The following DLGAP1 variants were observed in gnomAD, a reference collection of about 807,000 sequenced individuals.
The protein encoded by DLGAP1 is disks large-associated protein 1.
A neutral mutation model predicts 90.8 loss-of-function variants in DLGAP1; 11 were observed. The ratio of observed to expected loss-of-function variants is 0.12; its 90% confidence interval spans 0.08 to 0.20. The LOEUF (loss-of-function observed/expected upper bound fraction) is 0.20, where lower values mean the gene tolerates loss of function less well. Ranked by LOEUF, DLGAP1 falls within the 10% of genes least tolerant of loss-of-function variation. DLGAP1 has a pLI of 1.00. For missense variants in DLGAP1, 1,050 were observed against 1,333.8 expected (o/e 0.79, Z 3.31); for synonymous variants, 558 against 540.7 (o/e 1.03, Z -0.44).
At chr18:3,543,577 G>A (rs954975020) in intron 9 of DLGAP1, among the ~76,000 whole-genome samples, 9 of 152,122 alleles carry the variant, frequency 5.9e-5, no homozygotes, top group African/African-American at 2.2e-4. Flanking sequence ...CTATATGGAC[G>A]ACTTCTGTGC....
At chr18:4,386,967 A>G (rs1203896794) in intron 1 of DLGAP1, among the ~76,000 whole-genome samples, 1 of 152,200 alleles carries the variant, frequency 6.6e-6, no homozygotes, top group African/African-American at 2.4e-5. Context: ...TGGCCTCTAT[A>G]ATATTCTGAG....
chr18:3,858,769 T>G (rs974090989), intron 4 of DLGAP1, among the ~76,000 whole-genome samples: 6 of 152,132 alleles, frequency 3.9e-5, no homozygotes, highest in African/African-American at 1.4e-4. Flanking sequence ...ATTCTTCTGC[T>G]CTAAAAAGCT....
At chr18:4,018,567 T>C (rs536632752) in intron 2 of DLGAP1, among the ~76,000 whole-genome samples, 3 of 152,204 alleles carry the variant, frequency 2.0e-5, no homozygotes, top group Non-Finnish European at 4.4e-5. Flanking sequence ...AACAAAATAT[T>C]TAGGAATGAG....
intron 1 of DLGAP1, among the ~76,000 whole-genome samples, chr18:4,323,998 C>G (rs2030638845): frequency 6.6e-6 from 1 of 151,786 alleles, no homozygotes; most frequent in Admixed American, 6.6e-5. Flanking sequence ...CCAAAGGAAG[C>G]AGAAGACAAG....
intron 1 of DLGAP1, among the ~76,000 whole-genome samples, chr18:4,446,989 A>C (rs575372407): frequency 6.6e-6 from 1 of 152,360 alleles, no homozygotes; most frequent in Admixed American, 6.5e-5. Context: ...ATATCATTTC[A>C]TATCCATAAG....
intron 10 of DLGAP1, among the ~76,000 whole-genome samples, chr18:3,532,590 A>G (rs1299186419): frequency 6.6e-6 from 1 of 151,844 alleles, no homozygotes; most frequent in Non-Finnish European, 1.5e-5. Flanking sequence ...AAAAAAAAAA[A>G]GAAAAAAAAA....
chr18:3,957,467 T>A (rs991344831), intron 3 of DLGAP1, among the ~76,000 whole-genome samples: 3 of 152,214 alleles, frequency 2.0e-5, no homozygotes, highest in Non-Finnish European at 2.9e-5. Flanking sequence ...ATAGCAGCAC[T>A]AGGAAATTAA....
chr18:3,644,572 G>C (rs1343576182), intron 7 of DLGAP1, among the ~76,000 whole-genome samples: 1 of 151,854 alleles, frequency 6.6e-6, no homozygotes. Context: ...CACCATTCCC[G>C]GCTAATTTTT....
At chr18:4,150,917 G>A (rs1568422567) in intron 2 of DLGAP1, among the ~76,000 whole-genome samples, 2 of 152,134 alleles carry the variant, frequency 1.3e-5, no homozygotes, top group African/African-American at 4.8e-5. Flanking sequence ...TGCCCAATAT[G>A]CCGTTCCAGA....
intron 2 of DLGAP1, among the ~76,000 whole-genome samples, chr18:4,062,427 A>T (rs2075312095): frequency 6.6e-6 from 1 of 152,164 alleles, no homozygotes; most frequent in Admixed American, 6.5e-5. Context: ...TAAGTAAAGA[A>T]TGTCACTTTC....
chr18:4,022,597 G>GC (rs1336768963), intron 2 of DLGAP1, among the ~76,000 whole-genome samples: 1 of 152,110 alleles, frequency 6.6e-6, no homozygotes, highest in Non-Finnish European at 1.5e-5. Context: ...TCCATCATAT[G>GC]CCATGCTATT....
At chr18:4,372,570 A>G (rs558197780) in intron 1 of DLGAP1, among the ~76,000 whole-genome samples, 1 of 152,376 alleles carries the variant, frequency 6.6e-6, no homozygotes, top group Admixed American at 6.5e-5. Context: ...CAGAAAAGCA[A>G]GTCTCACTGC....
intron 1 of DLGAP1, chr18:4,294,026 A>C (rs1002561901): frequency 6.6e-6 from 1 of 152,208 alleles, no homozygotes; most frequent in South Asian, 2.1e-4. Flanking sequence ...AATTGAACAG[A>C]AAGTTGGGGT....
chr18:4,283,884 T>C (rs1339653017), intron 1 of DLGAP1, among the ~76,000 whole-genome samples: 1 of 152,170 alleles, frequency 6.6e-6, no homozygotes, highest in African/African-American at 2.4e-5. Flanking sequence ...GAATATGCTT[T>C]TGTCTCATCC....
At chr18:3,897,213 C>T (rs1459290215) in intron 3 of DLGAP1, 1 of 152,192 alleles carries the variant, frequency 6.6e-6, no homozygotes, top group Non-Finnish European at 1.5e-5. Context: ...TCTGCCCCTA[C>T]AAAGCCAAAA....
intron 10 of DLGAP1, among the ~76,000 whole-genome samples, chr18:3,510,664 G>A (rs909935462): frequency 5.9e-5 from 9 of 152,180 alleles, no homozygotes; most frequent in Non-Finnish European, 7.4e-5. Context: ...AATCCTGGGA[G>A]GTTATGACCA....
At chr18:3,538,385 AAAG>A (rs1383459994) in intron 9 of DLGAP1, among the ~76,000 whole-genome samples, 1 of 151,796 alleles carries the variant, frequency 6.6e-6, no homozygotes, top group African/African-American at 2.4e-5. Context: ...CAAAAAAAAA[AAAG>A]AAAGAAAAAG....
At chr18:4,109,430 T>C (rs1212291559) in intron 2 of DLGAP1, among the ~76,000 whole-genome samples, 1 of 152,176 alleles carries the variant, frequency 6.6e-6, no homozygotes, top group Non-Finnish European at 1.5e-5. Context: ...ACTCTTAGAA[T>C]TCTGCACTTC....
chr18:4,160,653 T>G (rs2076828959), intron 1 of DLGAP1, among the ~76,000 whole-genome samples: 1 of 152,136 alleles, frequency 6.6e-6, no homozygotes, highest in Non-Finnish European at 1.5e-5. Flanking sequence ...AATCAAAATA[T>G]TACACCTGTA....
Sources: gnomAD v4.1 joint callset for allele counts (sites outside exome capture counted in the v4.1 genomes callset) on GRCh38, gnomAD v4.1.1 for gene constraint, MANE v1.5 for transcripts, NCBI Gene and HGNC (gene_info 2026-07-23, HGNC 2026-07-21) for gene names.